Variants in ANXA6 observed in about 807,000 individuals in gnomAD.
ANXA6 encodes annexin A6, also known as 67 kDa calelectrin.
ANXA6 carries 71 observed loss-of-function variants against 95.4 expected under a neutral mutation model. That is an observed-to-expected ratio of 0.74 (90% confidence interval 0.61 to 0.91). The LOEUF (loss-of-function observed/expected upper bound fraction) is 0.91, where lower values mean the gene tolerates loss of function less well. Among genes scored for constraint, ANXA6 ranks in the 40% least tolerant of loss-of-function variants. The probability of loss-of-function intolerance (pLI) is 0.00; values close to 1 mark genes in which losing one functional copy is unlikely to be tolerated. For missense variants in ANXA6, 830 were observed against 876.4 expected (o/e 0.95, Z 0.67); for synonymous variants, 289 against 315.9 (o/e 0.91, Z 0.90).
intron 20 of ANXA6, 25 bp downstream of exon 20, chr5:151,117,102 G>A: frequency 1.3e-6 from 2 of 1,568,320 alleles, no homozygotes; most frequent in Non-Finnish European, 1.7e-6. Context: ...CGGCAGAGGT[G>A]ACTGGGGTGG....
chr5:151,154,996 G>T (rs1766200365), intron 1 of ANXA6: 1 of 151,316 alleles, frequency 6.6e-6, no homozygotes, highest in Non-Finnish European at 1.5e-5. Context: ...GATAAAAATA[G>T]CACCTCCCTC....
chr5:151,109,789 T>C lies in ANXA6; in HGVS notation c.1648A>G (p.Ile550Val). 2 of 1,611,824 alleles carry C rather than the reference T, an allele frequency of 1.2e-6. No homozygotes were observed. The highest frequency in any genetic ancestry group is 1.7e-6 in the Non-Finnish European group (2 of 1,178,974). Residue 550 changes from isoleucine to valine, a missense_variant, in exon 22 of 26, where the codon ATC becomes GTC. Coordinates refer to ENST00000354546, the MANE Select transcript of ANXA6 (RefSeq NM_001155.5). ...TGCGGATAGCTCCGGGTACACAGGATCGTCATGAAACGTGTCTCCAAGGAA... is the reference window on the plus strand; with the variant it reads ...TGCGGATAGCTCCGGGTACACAGGACCGTCATGAAACGTGTCTCCAAGGAA... ...KTSLETRFMT[I>V]LCTRSYPHLR...
At chr5:151,147,332 C>T (rs1050940692) in intron 2 of ANXA6, among the ~76,000 whole-genome samples, 4 of 152,244 alleles carry the variant, frequency 2.6e-5, no homozygotes, top group Non-Finnish European at 5.9e-5. Flanking sequence ...TTCCCTTCGT[C>T]AGGCCAAACA....
intron 1 of ANXA6, among the ~76,000 whole-genome samples, chr5:151,154,550 T>C (rs1378991414): frequency 6.6e-6 from 1 of 152,148 alleles, no homozygotes; most frequent in Non-Finnish European, 1.5e-5. Flanking sequence ...CTCTTTGCCC[T>C]TTCTTGCTGG....
chr5:151,140,385 G>C (rs922462101), intron 2 of ANXA6, 142 bp from the exon 3 acceptor site: 1 of 708,418 alleles, frequency 1.4e-6, no homozygotes, highest in African/African-American at 1.8e-5. Flanking sequence ...ATACACCCTG[G>C]GGAGCGGTGT....
In ANXA6 at chr5:151,104,076, T is replaced by C. The variant is rs1360255355; in HGVS notation, c.1840-384A>G. Among the ~76,000 whole-genome samples, 3 of 152,134 alleles carry C rather than the reference T, an allele frequency of 2.0e-5. No individual in the cohort carries two copies. In the East Asian group the frequency reaches 5.8e-4, roughly 29 times the overall value. On this transcript the variant is annotated intron_variant, in intron 24 of 25. Coordinates refer to ENST00000354546, the MANE Select transcript of ANXA6 (RefSeq NM_001155.5). The stretch of plus-strand genomic sequence containing the variant: ...ACAGACATACACACAGAAAAGTGGC[T>C]AGGTGAGGACAGAGGCAGAGACCGG...
intron 12 of ANXA6, among the ~76,000 whole-genome samples, chr5:151,128,946 C>A (rs1386652562): frequency 7.1e-4 from 91 of 127,672 alleles, no homozygotes; most frequent in Admixed American, 1.1e-3. Flanking sequence ...TTCAGTCATC[C>A]AAAAAAAAAA....
Position 151,133,101 on chromosome 5 carries a change from A to C in ANXA6, c.633T>G (p.Leu211=). The part of the protein sequence containing the change: ...YILGNRSKQH[L]RLVFDEYLKT... ...GTCTTCTCTGGAGCTTACCCAACCG[A>C]AGATGCTGCTTGCTGCGATTTCCCA... is the stretch of plus-strand genomic sequence containing the variant. Residue 211 remains leucine, a synonymous_variant, in exon 9 of 26, where the codon CTT becomes CTG. Transcript: ENST00000354546. 6.3e-7 allele frequency: 1 copy of C among 1,593,988 alleles called. No homozygotes were observed. The highest frequency in any genetic ancestry group is 8.5e-7 in the Non-Finnish European group (1 of 1,169,594).
chr5:151,150,758 C>T (rs1010622524), intron 1 of ANXA6, among the ~76,000 whole-genome samples: 2 of 152,254 alleles, frequency 1.3e-5, no homozygotes, highest in East Asian at 1.9e-4. Flanking sequence ...ACATCTACCC[C>T]GGGATGAGGC....
chr5:151,120,689 A>G (rs1765142926), intron 17 of ANXA6, among the ~76,000 whole-genome samples: 1 of 152,166 alleles, frequency 6.6e-6, no homozygotes, highest in Non-Finnish European at 1.5e-5. Context: ...ACTGCACTCC[A>G]GCCTGGGCGA....
intron 2 of ANXA6, among the ~76,000 whole-genome samples, chr5:151,140,868 C>G (rs1187866051): frequency 6.6e-6 from 1 of 152,238 alleles, no homozygotes; most frequent in Non-Finnish European, 1.5e-5. Context: ...GGAGGTCACA[C>G]AGAACTCAGA....
At chr5:151,117,898 G>A in intron 18 of ANXA6, 61 bp from the exon 19 acceptor site, 1 of 1,418,390 alleles carries the variant, frequency 7.1e-7, no homozygotes, top group Non-Finnish European at 9.9e-7. Context: ...TTGCGGGGAG[G>A]GAGGTCCAGG....
chr5:151,148,846 G>C (rs1292126186), intron 1 of ANXA6, among the ~76,000 whole-genome samples: 1 of 152,026 alleles, frequency 6.6e-6, no homozygotes, highest in Non-Finnish European at 1.5e-5. Context: ...GTAGGATGTA[G>C]GATCTGAGAC....
At chr5:151,108,886 G>A (rs561621994) in intron 22 of ANXA6, among the ~76,000 whole-genome samples, 2 of 152,320 alleles carry the variant, frequency 1.3e-5, no homozygotes, top group South Asian at 2.1e-4. Flanking sequence ...AGCTCACTGA[G>A]GGACCTTGGG....
At chr5:151,143,798 C>T (rs745933) in intron 2 of ANXA6, among the ~76,000 whole-genome samples, 40,986 of 151,746 alleles carry the variant, frequency 0.27, 6,146 homozygotes, top group East Asian at 0.63. Context: ...TGAATGACTG[C>T]GAATATATTC....
chr5:151,128,233 T>C lies in ANXA6; in HGVS notation c.925A>G (p.Thr309Ala), dbSNP rs1031105397. 6.2e-7 allele frequency: 1 copy of C among 1,610,674 alleles called. No homozygotes were observed. The highest frequency in any genetic ancestry group is 2.2e-5 in the East Asian group (1 of 44,806). The part of the protein sequence containing the change: ...KSLYSMIKND[T>A]SGEYKKTLLK... Reference sequence around the variant, plus strand: ...AGAGTCTTCTTGTACTCGCCAGAGGTGTCATTCTGAAGAGAAAGAAAGAAA... The same window carrying C: ...AGAGTCTTCTTGTACTCGCCAGAGGCGTCATTCTGAAGAGAAAGAAAGAAA... Residue 309 changes from threonine (T) to alanine (A), a missense_variant, in exon 13 of 26, where the codon ACC becomes GCC. By Grantham distance (58) the Thr-to-Ala change is moderately conservative. Coordinates refer to ENST00000354546, the MANE Select transcript of ANXA6 (RefSeq NM_001155.5).
At chr5:151,142,137 C>T (rs956779376) in intron 2 of ANXA6, among the ~76,000 whole-genome samples, 7 of 152,194 alleles carry the variant, frequency 4.6e-5, no homozygotes, top group African/African-American at 1.7e-4. Flanking sequence ...TCCAGTCCAG[C>T]GATATCAAAA....
Position 151,122,176 on chromosome 5 carries a change from C to T in ANXA6, c.1318G>A (p.Asp440Asn), listed in dbSNP as rs540689618. The change falls in exon 17 of 26, where the codon GAT becomes AAT. Residue 440 changes from aspartate (D) to asparagine (N), a missense_variant. By Grantham distance (23) the Asp-to-Asn change is conservative (BLOSUM62 1). Coordinates refer to ENST00000354546, the MANE Select transcript of ANXA6 (RefSeq NM_001155.5). ...ATGGCCTTCTTCAACTGCTTGGCAT[C>T]GTAATGGGCCGGTGGCATCATGAGC... is the stretch of plus-strand genomic sequence containing the variant. Reference protein sequence around the residue: ...LGLMMPPAHYDAKQLKKAMEG... With the variant: ...LGLMMPPAHYNAKQLKKAMEG... 34 of 1,597,648 alleles carry T rather than the reference C, an allele frequency of 2.1e-5. No homozygotes were observed. The highest frequency in any genetic ancestry group is 2.7e-5 in the African/African-American group (2 of 73,830).
chr5:151,154,042 C>T (rs1371479141), intron 1 of ANXA6, among the ~76,000 whole-genome samples: 4 of 152,092 alleles, frequency 2.6e-5, no homozygotes, highest in African/African-American at 9.7e-5. Flanking sequence ...GAACCATCTA[C>T]TATTGGTTTT....
Sources: allele counts gnomAD v4.1 joint callset (sites outside exome capture counted in the v4.1 genomes callset), GRCh38; gene constraint gnomAD v4.1.1; transcripts MANE v1.5; gene names NCBI Gene and HGNC (gene_info 2026-07-23, HGNC 2026-07-21).